The following CEP57L1 variants were observed in gnomAD, a reference collection of about 807,000 sequenced individuals.
The protein encoded by CEP57L1 is centrosomal protein 57 like 1.
CEP57L1 carries 37 observed loss-of-function variants against 61.0 expected under a neutral mutation model. That is an observed-to-expected ratio of 0.61 (90% CI 0.47 to 0.80). CEP57L1 has a LOEUF of 0.80. Ranked by LOEUF, CEP57L1 falls within the 30% of genes least tolerant of loss-of-function variation. CEP57L1 has a pLI of 0.00. For missense variants in CEP57L1, 422 were observed against 524.7 expected (o/e 0.80, Z 1.91); for synonymous variants, 137 against 162.3 (o/e 0.84, Z 1.19).
chr6:109,136,902 T>G (rs2114806061), intron 1 of CEP57L1, among the ~76,000 whole-genome samples: 1 of 152,126 alleles, frequency 6.6e-6, no homozygotes, highest in African/African-American at 2.4e-5. Flanking sequence ...ATTACAGATG[T>G]GCGCCACTGC....
At chr6:109,095,670 GCCTC>G (rs1781603304) in intron 1 of CEP57L1, 95 bp downstream of exon 1, 2 of 787,730 alleles carry the variant, frequency 2.5e-6, no homozygotes, top group African/African-American at 3.7e-5. Flanking sequence ...ATCTAGGGTG[GCCTC>G]CCTTAGTCCA....
rs975785508 is a variant in CEP57L1 at position 109,172,509 on chromosome 6, G to C, written c.*9539G>C. Among the ~76,000 whole-genome samples, 1 of 152,196 alleles carries C rather than the reference G, an allele frequency of 6.6e-6. No individual in the cohort carries two copies. The highest frequency in any genetic ancestry group is 2.4e-5 in the African/African-American group (1 of 41,446). On this transcript the variant is annotated 3_prime_UTR_variant, in exon 11 of 11. Coordinates refer to ENST00000517392, the MANE Select transcript of CEP57L1 (RefSeq NM_001271852.3). The stretch of plus-strand genomic sequence containing the variant: ...GGACTTAGAGGTTATCTTGAATCTG[G>C]ACACAGGACAAACATTTCTTTGGAA...
intron 1 of CEP57L1, among the ~76,000 whole-genome samples, chr6:109,141,978 A>G (rs1158672486): frequency 2.6e-5 from 4 of 152,140 alleles, no homozygotes; most frequent in Non-Finnish European, 5.9e-5. Flanking sequence ...CTGCCCCCTA[A>G]TGTCGTCTCC....
chr6:109,107,067 G>T (rs1771025894), intron 1 of CEP57L1, among the ~76,000 whole-genome samples: 1 of 152,140 alleles, frequency 6.6e-6, no homozygotes, highest in Admixed American at 6.5e-5. Context: ...TTTCAATTTA[G>T]TCTATCATTT....
upstream of CEP57L1, chr6:109,095,363 A>G (rs1760827637): frequency 3.0e-6 from 3 of 985,802 alleles, no homozygotes; most frequent in Admixed American, 1.2e-4. Context: ...AGATCACCCT[A>G]AAAGTAGTGA....
chr6:109,149,188 C>T (rs1225415886), intron 3 of CEP57L1, among the ~76,000 whole-genome samples: 1 of 152,124 alleles, frequency 6.6e-6, no homozygotes, highest in Non-Finnish European at 1.5e-5. Flanking sequence ...ACATGAAGTC[C>T]TTGCCCATGC....
intron 1 of CEP57L1, among the ~76,000 whole-genome samples, chr6:109,107,788 A>C: frequency 6.6e-6 from 1 of 152,106 alleles, no homozygotes; most frequent in South Asian, 2.1e-4. Flanking sequence ...TAAAAATCCC[A>C]AAATTAGCTG....
At chr6:109,096,545 G>A (rs1355343859) in intron 1 of CEP57L1, among the ~76,000 whole-genome samples, 2 of 152,166 alleles carry the variant, frequency 1.3e-5, no homozygotes, top group Non-Finnish European at 2.9e-5. Flanking sequence ...GGCGGTGTGG[G>A]GTGGGACGGG....
chr6:109,124,366 G>A (rs927812266), intron 1 of CEP57L1, among the ~76,000 whole-genome samples: 4 of 152,156 alleles, frequency 2.6e-5, no homozygotes, highest in African/African-American at 9.7e-5. Flanking sequence ...AAATCACTCA[G>A]AGTAGATTGC....
chr6:109,122,666 G>T (rs1773107481), intron 1 of CEP57L1, among the ~76,000 whole-genome samples: 1 of 152,058 alleles, frequency 6.6e-6, no homozygotes, highest in South Asian at 2.1e-4. Flanking sequence ...GCCGGGCATG[G>T]TGGTGCACAC....
intron 2 of CEP57L1, among the ~76,000 whole-genome samples, chr6:109,145,730 A>G (rs1399532144): frequency 6.6e-6 from 1 of 152,022 alleles, no homozygotes. Context: ...CATCTTATTC[A>G]AGAATTAGAT....
intron 1 of CEP57L1, among the ~76,000 whole-genome samples, chr6:109,134,256 A>G (rs1304785250): frequency 1.3e-5 from 2 of 152,186 alleles, no homozygotes; most frequent in East Asian, 1.9e-4. Flanking sequence ...GGCTGGTTCA[A>G]CATACACAAA....
chr6:109,106,282 A>C (rs1402045956), intron 1 of CEP57L1, among the ~76,000 whole-genome samples: 3 of 152,176 alleles, frequency 2.0e-5, no homozygotes, highest in Non-Finnish European at 4.4e-5. Context: ...GATCTAGATT[A>C]TCTTGGGTTG....
chr6:109,151,811 A>G (rs1772644753), intron 4 of CEP57L1, among the ~76,000 whole-genome samples: 1 of 152,164 alleles, frequency 6.6e-6, no homozygotes, highest in Non-Finnish European at 1.5e-5. Context: ...CTTTAAGCAC[A>G]TTGAAGATTT....
intron 3 of CEP57L1, among the ~76,000 whole-genome samples, chr6:109,149,185 G>T (rs1270200266): frequency 6.6e-6 from 1 of 152,162 alleles, no homozygotes; most frequent in African/African-American, 2.4e-5. Context: ...TAGACATGAA[G>T]TCCTTGCCCA....
In CEP57L1 at chr6:109,167,583, A is replaced by G. The variant is rs1315444887; in HGVS notation, c.*4613A>G. Among the ~76,000 whole-genome samples, 1 of 152,126 alleles carries G rather than the reference A, an allele frequency of 6.6e-6. No homozygotes were observed. The highest frequency in any genetic ancestry group is 6.6e-5 in the Admixed American group (1 of 15,260). On this transcript the variant is annotated 3_prime_UTR_variant, in exon 11 of 11. Transcript: ENST00000517392. ...GTCCAGCTACTCGGGAGGCTGAGGC[A>G]GGATAATTGCTTGAACCTGGGAGGC...
chr6:109,158,503 A>G, intron 7 of CEP57L1: 2 of 390,832 alleles, frequency 5.1e-6, no homozygotes, highest in South Asian at 3.8e-5. Flanking sequence ...AAAAAAGGAT[A>G]TTTCGATTGT....
chr6:109,105,084 A>G (rs908281068), intron 1 of CEP57L1, among the ~76,000 whole-genome samples: 5 of 152,078 alleles, frequency 3.3e-5, no homozygotes, highest in African/African-American at 1.2e-4. Context: ...AATAATTTAT[A>G]GGATAGAACT....
At chr6:109,120,337 A>G (rs1049532989) in intron 1 of CEP57L1, among the ~76,000 whole-genome samples, 1 of 152,212 alleles carries the variant, frequency 6.6e-6, no homozygotes, top group African/African-American at 2.4e-5. Context: ...CAAGATTGCC[A>G]TATTCTAGAA....
Sources: gnomAD v4.1 joint callset for allele counts (sites outside exome capture counted in the v4.1 genomes callset) on GRCh38, gnomAD v4.1.1 for gene constraint, MANE v1.5 for transcripts, NCBI Gene and HGNC (gene_info 2026-07-23, HGNC 2026-07-21) for gene names.